The following RASA2 variants were observed in gnomAD, a reference collection of about 807,000 sequenced individuals.
RASA2 encodes RAS p21 protein activator 2.
In RASA2, 155 loss-of-function variants were observed where a neutral mutation model predicts 118.2. That is an observed-to-expected ratio of 1.31 (90% CI 1.15 to 1.50). RASA2 has a LOEUF of 1.50. Ranked by LOEUF, RASA2 falls within the 40% of genes most tolerant of loss-of-function variation. The pLI, the probability that RASA2 is intolerant of heterozygous loss-of-function variation, is 0.00. For missense variants in RASA2, 1,016 were observed against 1,009.6 expected, an observed-to-expected ratio of 1.01 and a Z score of -0.09; for synonymous variants, 353 against 349.1, an observed-to-expected ratio of 1.01 and a Z score of -0.12.
intron 1 of RASA2, among the ~76,000 whole-genome samples, chr3:141,494,128 A>G (rs1050252851): frequency 1.3e-5 from 2 of 152,234 alleles, no homozygotes; most frequent in Non-Finnish European, 2.9e-5. Flanking sequence ...CATTACTACA[A>G]TGAATAACCT....
At chr3:141,577,230 A>T (rs777286361) in intron 15 of RASA2, 124 bp downstream of exon 15, 26 of 711,848 alleles carry the variant, frequency 3.7e-5, no homozygotes, top group Non-Finnish European at 5.7e-5. Flanking sequence ...AAATTTACTC[A>T]GCATTTTTCT....
chr3:141,541,076 C>A (rs1277630012), intron 5 of RASA2, among the ~76,000 whole-genome samples: 13 of 152,100 alleles, frequency 8.5e-5, no homozygotes. Context: ...AATCTCCTGG[C>A]TGTTCTGGAA....
Position 141,551,478 on chromosome 3 carries a change from G to A in RASA2, c.528-2379G>A, listed in dbSNP as rs903331215. On this transcript the variant is annotated intron_variant, in intron 5 of 23. Transcript: ENST00000286364. ...GTATCAATACTCAGCTGAATACTCA[G>A]TGGGGATTCTTGTAGCTCCCTGGAG... Among the ~76,000 whole-genome samples the A allele has an allele frequency of 2.6e-5, 4 of 152,290 alleles. No individual in the cohort carries two copies. In the East Asian group the frequency reaches 7.7e-4, roughly 29 times the overall value.
At chr3:141,545,600 A>G (rs2082473526) in intron 5 of RASA2, among the ~76,000 whole-genome samples, 1 of 150,246 alleles carries the variant, frequency 6.7e-6, no homozygotes, top group South Asian at 2.1e-4. Flanking sequence ...GGTGTGCACC[A>G]CCAGACCTGG....
rs1441140422 is a variant in RASA2, at chr3:141,613,112, CAG to C, written c.*800_*801del. ...GACATCTCTTCAAAAAGAAAGTAAA[CAG>C]GGAATGAAGGTGGTGGGAAAATCAC... On this transcript the variant is annotated 3_prime_UTR_variant, in exon 24 of 24. Transcript: ENST00000286364. The C allele has an allele frequency of 6.6e-6, 1 of 152,100 alleles. No individual in the cohort carries two copies. Among genetic ancestry groups the C allele is most frequent in the Non-Finnish European group, 1.5e-5 (1 of 68,026 alleles). The allele number at this position is 152,100 out of a possible 1,614,324, so 9.4% of individuals were successfully genotyped here.
rs200745202 is a variant in RASA2 at position 141,529,792 on chromosome 3, C to T, written c.440C>T (p.Ser147Leu). ...TCATTACAGCCTGTTGACTCCAATT[C>T]AGAGGTTCAGGTAAATATTAAGGCT... ...WFSLQPVDSN[S>L]EVQGKVHLEL... The change falls in exon 4 of 24, where the codon TCA becomes TTA. Residue 147 changes from serine to leucine, a missense_variant. Transcript: ENST00000286364. 1.9e-6 allele frequency: 3 copies of T among 1,602,508 alleles called. No individual in the cohort carries two copies. The highest frequency in any genetic ancestry group is 1.3e-5 in the African/African-American group (1 of 74,600).
intron 9 of RASA2, among the ~76,000 whole-genome samples, chr3:141,566,842 C>G (rs1032728204): frequency 6.6e-6 from 1 of 152,028 alleles, no homozygotes; most frequent in African/African-American, 2.4e-5. Flanking sequence ...AAAAGTGACC[C>G]AAGGCTTCAA....
chr3:141,574,336 C>A (rs1004465751), intron 14 of RASA2, among the ~76,000 whole-genome samples: 2 of 151,808 alleles, frequency 1.3e-5, no homozygotes, highest in Non-Finnish European at 2.9e-5. Flanking sequence ...ACTACAGGCG[C>A]CCGCCACCAT....
chr3:141,606,849 CAAGCA>C (rs2083556859), intron 19 of RASA2, among the ~76,000 whole-genome samples: 1 of 152,082 alleles, frequency 6.6e-6, no homozygotes, highest in Admixed American at 6.5e-5. Flanking sequence ...ATATGTCATT[CAAGCA>C]AAGCTTGGGG....
chr3:141,611,607 A>G (rs1379080764), intron 23 of RASA2, among the ~76,000 whole-genome samples: 4 of 152,162 alleles, frequency 2.6e-5, no homozygotes, highest in African/African-American at 7.2e-5. Context: ...GCCTTGCCCA[A>G]GGTCACACAG....
intron 19 of RASA2, among the ~76,000 whole-genome samples, chr3:141,602,995 C>CTG (rs67539606): frequency 1.3e-5 from 1 of 77,528 alleles, no homozygotes; most frequent in Admixed American, 1.0e-4. Context: ...GCCAGTAAAA[C>CTG]TTGTATTTTC....
At chr3:141,571,104 A>G (rs747846553) in intron 10 of RASA2, 36 bp downstream of exon 10, 18 of 1,544,508 alleles carry the variant, frequency 1.2e-5, no homozygotes, top group South Asian at 7.3e-5. Flanking sequence ...ATTTAACACG[A>G]AACGGCTAAA....
chr3:141,583,960 T>C (rs2083156799), intron 17 of RASA2, among the ~76,000 whole-genome samples: 1 of 151,750 alleles, frequency 6.6e-6, no homozygotes, highest in South Asian at 2.1e-4. Context: ...GGGGGCAAAA[T>C]AGGATTCTTC....
At chr3:141,590,230 G>A (rs2083267651) in intron 19 of RASA2, 1 of 451,300 alleles carries the variant, frequency 2.2e-6, no homozygotes, top group African/African-American at 2.0e-5. Context: ...TTTCAGGGCT[G>A]CTTAAAGGTG....
At chr3:141,506,927 A>AG (rs1364326301) in intron 1 of RASA2, among the ~76,000 whole-genome samples, 3 of 151,916 alleles carry the variant, frequency 2.0e-5, no homozygotes, top group African/African-American at 7.2e-5. Context: ...AAAAAAAAAA[A>AG]AAAAAGAAAA....
At chr3:141,522,965 GGGCCTGTTCCT>G (rs2082132566) in intron 3 of RASA2, among the ~76,000 whole-genome samples, 2 of 152,084 alleles carry the variant, frequency 1.3e-5, no homozygotes. Flanking sequence ...TGAGTCTGCA[GGGCCTGTTCCT>G]GGGTTGGCGG....
chr3:141,536,167 T>TG (rs1168893033), intron 4 of RASA2, among the ~76,000 whole-genome samples: 1 of 152,210 alleles, frequency 6.6e-6, no homozygotes, highest in Admixed American at 6.5e-5. Flanking sequence ...GAGGTTTAAT[T>TG]GGACTTATAG....
intron 19 of RASA2, among the ~76,000 whole-genome samples, chr3:141,594,999 G>A (rs1427187254): frequency 6.6e-6 from 1 of 152,140 alleles, no homozygotes; most frequent in Non-Finnish European, 1.5e-5. Context: ...GAAGGGGGTG[G>A]AGTAAATTAT....
rs1051473622 is a variant in RASA2 at position 141,609,482 on chromosome 3, C to T, written c.2288C>T (p.Ser763Phe). ...DEDRETERIY[S>F]LFTLSLLKLQ... ...GACAGAGAAACAGAAAGAATTTATT[C>T]CCTTTTTACCCTCAGTTTACTTAAG... Residue 763 changes from serine to phenylalanine, a missense_variant, in exon 22 of 24, where the codon TCC (serine) becomes TTC (phenylalanine). This residue lies in a region of RASA2 where 120 missense variants were observed against 173.2 expected (regional missense o/e 0.69). Coordinates refer to ENST00000286364, the MANE Select transcript of RASA2 (RefSeq NM_006506.5). 8 of 1,603,604 alleles carry T rather than the reference C, an allele frequency of 5.0e-6. No homozygotes were observed. Among genetic ancestry groups the T allele is most frequent in the Non-Finnish European group, 6.8e-6 (8 of 1,172,472 alleles).
Sources: allele counts gnomAD v4.1 joint callset (sites outside exome capture counted in the v4.1 genomes callset), GRCh38; gene constraint gnomAD v4.1.1; regional missense constraint gnomAD v4.1.1; transcripts MANE v1.5; gene names NCBI Gene and HGNC (gene_info 2026-07-23, HGNC 2026-07-21).